Variants in TRPM3 observed in about 807,000 individuals in gnomAD.
TRPM3 encodes the protein long transient receptor potential channel 3.
A neutral mutation model predicts 181.2 loss-of-function variants in TRPM3; 77 were observed. The ratio of observed to expected loss-of-function variants is 0.42; its 90% CI spans 0.35 to 0.51. TRPM3 has a LOEUF of 0.51. TRPM3 is among the 20% of genes least tolerant of loss of function. TRPM3 has a pLI of 0.01. For synonymous variants in TRPM3, 745 were observed against 796.4 expected (o/e 0.94, Z 1.09); for missense variants, 1,759 against 2,196.7 (o/e 0.80, Z 3.98).
Position 70,916,862 on chromosome 9 carries a change from T to C in TRPM3, c.178-52351A>G, listed in dbSNP as rs2096600705. ...GATACATCTACTGAACTGGCAATCATAAATCAAACTTGAAAAGTCAGTGCT... is the reference window on the plus strand; with the variant it reads ...GATACATCTACTGAACTGGCAATCACAAATCAAACTTGAAAAGTCAGTGCT... On this transcript the variant is annotated intron_variant, in intron 1 of 25. Transcript: ENST00000677713. The C allele has an allele frequency of 5.1e-6, 3 of 589,612 alleles. 1 individual carries two copies. The highest frequency in any genetic ancestry group is 5.1e-5 in the South Asian group (2 of 38,960). The allele number at this position is 589,612 out of a possible 1,614,324, so 36.5% of individuals were successfully genotyped here.
At chr9:71,374,300 G>A (rs1023666635) in intron 1 of TRPM3, among the ~76,000 whole-genome samples, 25 of 152,136 alleles carry the variant, frequency 1.6e-4, no homozygotes, top group African/African-American at 3.4e-4. Context: ...CTGGAACCCC[G>A]GAGGCAGAGG....
intron 1 of TRPM3, among the ~76,000 whole-genome samples, chr9:71,352,048 TG>T (rs1189994302): frequency 6.6e-6 from 1 of 152,014 alleles, no homozygotes; most frequent in Non-Finnish European, 1.5e-5. Context: ...GCTAATTTTT[TG>T]TATTTTTAGT....
chr9:71,228,230 AACCTT>A (rs1225453378), intron 1 of TRPM3, among the ~76,000 whole-genome samples: 1 of 152,154 alleles, frequency 6.6e-6, no homozygotes, highest in Non-Finnish European at 1.5e-5. Context: ...GAAGGACAAA[AACCTT>A]ATGATCATTT....
chr9:71,040,363 T>C (rs2058685860), intron 1 of TRPM3, among the ~76,000 whole-genome samples: 1 of 152,232 alleles, frequency 6.6e-6, no homozygotes, highest in Non-Finnish European at 1.5e-5. Context: ...TTCATCAACG[T>C]GGTATTGCTT....
Position 71,164,869 on chromosome 9 carries a change from T to C in TRPM3, c.183+281784A>G, listed in dbSNP as rs1696461168. On this transcript the variant is annotated intron_variant, in intron 1 of 24. Transcript: ENST00000357533. ...GCAGGAATTGCTTTAATGTGCTCAA[T>C]TCATTCATAAGTAATCTTTTTGATT... is the stretch of plus-strand genomic sequence containing the variant. Among the ~76,000 whole-genome samples the C allele has an allele frequency of 3.3e-5, 5 of 152,224 alleles. No individual in the cohort carries two copies. In the South Asian group the frequency reaches 1.0e-3, roughly 32 times the overall value.
intron 16 of TRPM3, among the ~76,000 whole-genome samples, chr9:70,619,386 C>T (rs1234610002): frequency 6.9e-6 from 1 of 145,378 alleles, no homozygotes; most frequent in Non-Finnish European, 1.5e-5. Context: ...CAATAGAGTA[C>T]AGTATGTCAT....
chr9:70,914,542 T>G (rs2096571116), intron 1 of TRPM3, among the ~76,000 whole-genome samples: 1 of 152,114 alleles, frequency 6.6e-6, no homozygotes, highest in Non-Finnish European at 1.5e-5. Flanking sequence ...GTGTGATAAT[T>G]AAAGGGCATG....
chr9:71,304,420 T>C (rs1442941990), intron 1 of TRPM3, among the ~76,000 whole-genome samples: 1 of 152,170 alleles, frequency 6.6e-6, no homozygotes, highest in Non-Finnish European at 1.5e-5. Context: ...AAGTTGGTAA[T>C]GTAAGGACTG....
chr9:71,406,575 G>A (rs534690406), intron 1 of TRPM3, among the ~76,000 whole-genome samples: 8 of 152,026 alleles, frequency 5.3e-5, no homozygotes, highest in African/African-American at 1.4e-4. Flanking sequence ...TTTTTAAATA[G>A]AGAAAATAGA....
chr9:70,906,339 C>T (rs2096463918), intron 1 of TRPM3, among the ~76,000 whole-genome samples: 1 of 152,138 alleles, frequency 6.6e-6, no homozygotes, highest in Non-Finnish European at 1.5e-5. Context: ...TAGGTTTCAT[C>T]TTCTGCAATT....
chr9:71,211,128 A>G (rs1025531641), intron 1 of TRPM3, among the ~76,000 whole-genome samples: 3 of 152,124 alleles, frequency 2.0e-5, no homozygotes, highest in Non-Finnish European at 2.9e-5. Context: ...GCTCCTATTC[A>G]TGATTAGAAA....
At chr9:71,415,793 T>C (rs2093628315) in intron 1 of TRPM3, among the ~76,000 whole-genome samples, 1 of 151,848 alleles carries the variant, frequency 6.6e-6, no homozygotes. Flanking sequence ...AAAGTTTCTC[T>C]AGATTTATCT....
intron 1 of TRPM3, among the ~76,000 whole-genome samples, chr9:71,398,247 C>T (rs1257714874): frequency 6.6e-6 from 1 of 152,162 alleles, no homozygotes; most frequent in Non-Finnish European, 1.5e-5. Context: ...GAAAAAAGCT[C>T]AGTTCTTATC....
At chr9:70,936,721 T>G (rs2096831873) in intron 1 of TRPM3, among the ~76,000 whole-genome samples, 1 of 152,184 alleles carries the variant, frequency 6.6e-6, no homozygotes, top group East Asian at 1.9e-4. Context: ...GTAAATAGAT[T>G]TTTATGACTC....
intron 1 of TRPM3, among the ~76,000 whole-genome samples, chr9:71,258,640 A>C (rs940738638): frequency 5.3e-5 from 8 of 152,226 alleles, no homozygotes; most frequent in Non-Finnish European, 7.3e-5. Flanking sequence ...ATACTAATAC[A>C]TTAAATTCAT....
At chr9:70,780,469 C>T (rs573817185) in intron 7 of TRPM3, among the ~76,000 whole-genome samples, 1 of 151,688 alleles carries the variant, frequency 6.6e-6, no homozygotes, top group South Asian at 2.1e-4. Context: ...ATTTCCAACA[C>T]TGTTGGACTT....
At chr9:70,947,176 A>C (rs1243585468) in intron 1 of TRPM3, among the ~76,000 whole-genome samples, 1 of 152,168 alleles carries the variant, frequency 6.6e-6, no homozygotes, top group African/African-American at 2.4e-5. Flanking sequence ...TACCATCAGT[A>C]GTGTGTGTGA....
chr9:71,415,626 C>G (rs2093625436), intron 1 of TRPM3, among the ~76,000 whole-genome samples: 1 of 151,952 alleles, frequency 6.6e-6, no homozygotes, highest in African/African-American at 2.4e-5. Flanking sequence ...ATCTCAGCTG[C>G]TGTATATGAC....
chr9:70,741,197 C>A (rs1219791586), intron 8 of TRPM3, among the ~76,000 whole-genome samples: 1 of 152,054 alleles, frequency 6.6e-6, no homozygotes, highest in Admixed American at 6.6e-5. Flanking sequence ...TGACCACCAA[C>A]ACATATGAAA....
Sources: allele counts gnomAD v4.1 joint callset (sites outside exome capture counted in the v4.1 genomes callset), GRCh38; gene constraint gnomAD v4.1.1; transcripts MANE v1.5; gene names NCBI Gene and HGNC (gene_info 2026-07-23, HGNC 2026-07-21).